The following PVALEF variants were observed in gnomAD, a reference collection of about 807,000 sequenced individuals.
PVALEF encodes parvalbumin like EF-hand containing.
Under a neutral mutation model 1.2 loss-of-function variants are expected in PVALEF, and 2 were observed. The observed-to-expected ratio is 1.68, with a 90% confidence interval of 0.69 to 5.28. The LOEUF (loss-of-function observed/expected upper bound fraction) is 5.28. PVALEF is among the 30% of genes most tolerant of loss of function. PVALEF has a pLI of 0.06. For synonymous variants in PVALEF, 16 were observed against 6.5 expected (o/e 2.47, Z -2.24); for missense variants, 35 against 17.7 (o/e 1.97, Z -1.75).
intron 2 of PVALEF, among the ~76,000 whole-genome samples, chr17:81,167,582 C>T (rs1038759062): frequency 6.6e-6 from 1 of 152,180 alleles, no homozygotes; most frequent in African/African-American, 2.4e-5. Flanking sequence ...GCACCAGGAC[C>T]CACCCTTCTT....
chr17:81,182,928 A>G (rs1042328806), intron 6 of PVALEF, 37 bp from the exon 7 acceptor site: 2 of 398,498 alleles, frequency 5.0e-6, no homozygotes, highest in African/African-American at 4.1e-5. Context: ...GGGACACAAA[A>G]CAGGGGTACT....
Position 81,182,200 on chromosome 17 carries a change from G to A in PVALEF, c.358+119G>A, listed in dbSNP as rs2061556883. 1.3e-5 allele frequency: 5 copies of A among 396,750 alleles called. No individual in the cohort carries two copies. The Admixed American group carries it at 2.2e-4, about 17-fold the overall frequency. 24.6% of individuals were successfully genotyped at this position (396,750 alleles called of 1,614,324 possible). On this transcript the variant is annotated intron_variant, in intron 6 of 6. Transcript: ENST00000637878. ...ACAACTCACAGATGAGGAAACCCAG[G>A]CTCAGGGGTCTGGGCCGGGAGTCTA...
Position 81,165,517 on chromosome 17 carries a change from C to G in PVALEF, c.-738C>G, listed in dbSNP as rs1020568795. 1 of 713,936 alleles carries G rather than the reference C, an allele frequency of 1.4e-6. No homozygotes were observed. The highest frequency in any genetic ancestry group is 1.8e-5 in the African/African-American group (1 of 54,916). 44.2% of individuals were successfully genotyped at this position (713,936 alleles called of 1,614,324 possible). On this transcript the variant is annotated 5_prime_UTR_variant, in exon 1 of 7. Coordinates refer to ENST00000637878, the MANE Select transcript of PVALEF (RefSeq NM_001354639.2). ...TGGGCAGGGCTCTGAGAATCGCTCCCAGCCTGGGAAGAAGCCTCCCACGCC... is the reference window on the plus strand; with the variant it reads ...TGGGCAGGGCTCTGAGAATCGCTCCGAGCCTGGGAAGAAGCCTCCCACGCC...
intron 2 of PVALEF, among the ~76,000 whole-genome samples, chr17:81,169,610 C>T (rs1297639835): frequency 6.6e-6 from 1 of 150,826 alleles, no homozygotes; most frequent in Non-Finnish European, 1.5e-5. Flanking sequence ...GGCGGGGTCG[C>T]CCCCTCCAGA....
rs2061554262 is a variant in PVALEF, at chr17:81,181,567, A to G, written c.115A>G (p.Asn39Asp). The G allele has an allele frequency of 2.2e-6, 1 of 448,212 alleles. No homozygotes were observed. The highest frequency in any genetic ancestry group is 4.2e-5 in the Admixed American group (1 of 23,862). 27.8% of individuals were successfully genotyped at this position (448,212 alleles called of 1,614,324 possible). A position where few individuals can be genotyped will look rare whatever the true frequency, so the allele number is the denominator to read the frequency against. ...CCGCCTGGTTGCCCCAGGGTCCTTC[A>G]ACTACCTCAAGTTCTTCAAGCACAT... ...PTDMRHHGSF[N>D]YLKFFKHIRK... Residue 39 changes from asparagine (N) to aspartate (D), a missense_variant, in exon 5 of 7, where the codon AAC becomes GAC. Asn to Asp is a conservative substitution (Grantham distance 23). Coordinates refer to ENST00000637878, the MANE Select transcript of PVALEF (RefSeq NM_001354639.2).
Position 81,176,171 on chromosome 17 carries a change from T to C in PVALEF, c.-339-2747T>C, listed in dbSNP as rs1424088434. Reference sequence around the variant, plus strand: ...TCCAAAGAAGATATCAAATGCCTAATAAGCCCATGAGAAGATGCCGACCAT... The same window carrying C: ...TCCAAAGAAGATATCAAATGCCTAACAAGCCCATGAGAAGATGCCGACCAT... On this transcript the variant is annotated intron_variant, in intron 2 of 6. Transcript: ENST00000637878. Among the ~76,000 whole-genome samples the C allele has an allele frequency of 2.0e-5, 3 of 152,168 alleles. No individual in the cohort carries two copies. In the East Asian group the frequency reaches 5.8e-4, roughly 29 times the overall value.
chr17:81,176,348 G>A (rs1388259150), intron 2 of PVALEF, among the ~76,000 whole-genome samples: 2 of 151,816 alleles, frequency 1.3e-5, no homozygotes, highest in African/African-American at 4.8e-5. Context: ...GTGAAACCCC[G>A]TCTCCACTAA....
rs964160957 is a variant in PVALEF at position 81,166,702 on chromosome 17, C to T, written c.-482C>T. The T allele has an allele frequency of 2.2e-6, 1 of 454,880 alleles. No individual in the cohort carries two copies. The highest frequency in any genetic ancestry group is 4.4e-6 in the Non-Finnish European group (1 of 226,758). 28.2% of individuals were successfully genotyped at this position (454,880 alleles called of 1,614,324 possible). Reference sequence around the variant, plus strand: ...GTTTCGAGGCGGCTGGCAGCCGCCCCCCCACCCCATGCCCTTTGGGTGGCA... The same window carrying T: ...GTTTCGAGGCGGCTGGCAGCCGCCCTCCCACCCCATGCCCTTTGGGTGGCA... On this transcript the variant is annotated 5_prime_UTR_variant, in exon 2 of 7. Coordinates refer to ENST00000637878, the MANE Select transcript of PVALEF (RefSeq NM_001354639.2).
chr17:81,171,338 C>A (rs2061519693), intron 2 of PVALEF, among the ~76,000 whole-genome samples: 1 of 152,158 alleles, frequency 6.6e-6, no homozygotes, highest in African/African-American at 2.4e-5. Context: ...TGCCAGCCCG[C>A]CCTCCAGCCC....
chr17:81,178,757 G>A (rs369282185), intron 2 of PVALEF, among the ~76,000 whole-genome samples, 161 bp from the exon 3 acceptor site: 1 of 152,130 alleles, frequency 6.6e-6, no homozygotes, highest in Non-Finnish European at 1.5e-5. Flanking sequence ...TGTACAACCC[G>A]CTGCACTGGA....
At position 81,165,604 on chromosome 17, in the gene PVALEF, C is replaced by A; in HGVS notation, c.-651C>A. On this transcript the variant is annotated 5_prime_UTR_variant, in exon 1 of 7. Transcript: ENST00000637878. The stretch of plus-strand genomic sequence containing the variant: ...AACCCCAGCTGGCTGACACCCCCCA[C>A]ACCCCCAAGGGCCCTTAGTCTGAGA... 7.1e-7 allele frequency: 1 copy of A among 1,402,686 alleles called. No individual in the cohort carries two copies. The highest frequency in any genetic ancestry group is 9.4e-7 in the Non-Finnish European group (1 of 1,059,158). 86.9% of individuals were successfully genotyped at this position (1,402,686 alleles called of 1,614,324 possible).
intron 2 of PVALEF, among the ~76,000 whole-genome samples, chr17:81,169,338 G>A (rs187035161): frequency 7.4e-4 from 111 of 150,670 alleles, no homozygotes; most frequent in African/African-American, 2.6e-3. Flanking sequence ...AGTGGCTCAC[G>A]CCTGTAATCC....
chr17:81,169,263 G>C (rs2061509675), intron 2 of PVALEF, among the ~76,000 whole-genome samples: 1 of 152,198 alleles, frequency 6.6e-6, no homozygotes, highest in African/African-American at 2.4e-5. Flanking sequence ...CTTTAAAGTG[G>C]TGAACTTCAT....
At chr17:81,172,523 A>C (rs1382098446) in intron 2 of PVALEF, among the ~76,000 whole-genome samples, 2 of 152,318 alleles carry the variant, frequency 1.3e-5, no homozygotes, top group Admixed American at 6.5e-5. Flanking sequence ...CATGCCTGTA[A>C]TCCCGGCACT....
rs2061496691 is a variant in PVALEF at position 81,166,775 on chromosome 17, C to G, written c.-409C>G. The stretch of plus-strand genomic sequence containing the variant: ...GGCTGGCTTTGCACACAGGCCTGCT[C>G]CTGTACCGTGCTGCGACAGCCATGA... On this transcript the variant is annotated 5_prime_UTR_variant, in exon 2 of 7. Transcript: ENST00000637878. 2 of 456,496 alleles carry G rather than the reference C, an allele frequency of 4.4e-6. No individual in the cohort carries two copies. Among genetic ancestry groups the G allele is most frequent in the Admixed American group, 2.4e-5 (1 of 42,530 alleles). 28.3% of individuals were successfully genotyped at this position (456,496 alleles called of 1,614,324 possible).
intron 6 of PVALEF, among the ~76,000 whole-genome samples, chr17:81,182,412 C>T (rs2061557869): frequency 6.6e-6 from 1 of 152,230 alleles, no homozygotes; most frequent in Admixed American, 6.5e-5. Context: ...CCCCACACAA[C>T]CCCAGTGGCT....
At chr17:81,172,710 G>A (rs1275861696) in intron 2 of PVALEF, among the ~76,000 whole-genome samples, 1 of 152,144 alleles carries the variant, frequency 6.6e-6, no homozygotes, top group East Asian at 1.9e-4. Context: ...GTTGCAGTGA[G>A]CCGAGACCGC....
At chr17:81,182,443 G>A (rs2061558014) in intron 6 of PVALEF, among the ~76,000 whole-genome samples, 1 of 152,214 alleles carries the variant, frequency 6.6e-6, no homozygotes, top group South Asian at 2.1e-4. Context: ...CTGGAGGGTG[G>A]AGGGCACACA....
At chr17:81,172,823 C>T (rs906977922) in intron 2 of PVALEF, among the ~76,000 whole-genome samples, 8 of 152,040 alleles carry the variant, frequency 5.3e-5, no homozygotes, top group Non-Finnish European at 1.2e-4. Flanking sequence ...AGGCACAACA[C>T]GGAGTCATCT....
Sources: gnomAD v4.1 joint callset for allele counts (sites outside exome capture counted in the v4.1 genomes callset) on GRCh38, gnomAD v4.1.1 for gene constraint, MANE v1.5 for transcripts, NCBI Gene and HGNC (gene_info 2026-07-23, HGNC 2026-07-21) for gene names.